GRID1: variants seen among roughly 807,000 people sequenced by gnomAD.
The protein encoded by GRID1 is glutamate receptor ionotropic, delta-1.
GRID1 carries 28 observed loss-of-function variants against 98.0 expected under a neutral mutation model. The observed-to-expected ratio is 0.29, with a 90% CI of 0.21 to 0.39. The LOEUF is 0.39. Ranked by LOEUF, GRID1 falls within the 10% of genes least tolerant of loss-of-function variation. The pLI is 1.00. For synonymous variants in GRID1, 553 were observed against 538.5 expected, an observed-to-expected ratio of 1.03 and a Z score of -0.37; for missense variants, 1,111 against 1,340.5, an observed-to-expected ratio of 0.83 and a Z score of 2.67.
At chr10:85,711,705 G>C (rs1841583546) in intron 12 of GRID1, among the ~76,000 whole-genome samples, 1 of 151,626 alleles carries the variant, frequency 6.6e-6, no homozygotes, top group Non-Finnish European at 1.5e-5. Context: ...ACCTAAAGTT[G>C]TTCTTAAAAC....
chr10:85,714,553 G>A (rs1028384665), intron 12 of GRID1, among the ~76,000 whole-genome samples: 4 of 151,848 alleles, frequency 2.6e-5, no homozygotes, highest in African/African-American at 9.7e-5. Context: ...AAATTTGCAG[G>A]ATACAAAATA....
intron 4 of GRID1, among the ~76,000 whole-genome samples, chr10:85,971,732 A>T (rs1251236962): frequency 6.6e-6 from 1 of 152,158 alleles, no homozygotes; most frequent in African/African-American, 2.4e-5. Flanking sequence ...AAACTTTCAT[A>T]CAGTTCAGGT....
chr10:85,931,407 C>T (rs1841849054), intron 4 of GRID1, among the ~76,000 whole-genome samples: 1 of 152,038 alleles, frequency 6.6e-6, no homozygotes, highest in South Asian at 2.1e-4. Context: ...TTTATTTTTT[C>T]TGTTCTTGCT....
intron 4 of GRID1, among the ~76,000 whole-genome samples, chr10:86,045,445 G>A (rs73344016): frequency 0.037 from 5,657 of 152,248 alleles, 385 homozygotes; most frequent in African/African-American, 0.13. Flanking sequence ...TTTGACAAGC[G>A]AGACTGCGAT....
chr10:85,847,248 G>A (rs1843015079), intron 8 of GRID1, among the ~76,000 whole-genome samples: 1 of 152,184 alleles, frequency 6.6e-6, no homozygotes, highest in Non-Finnish European at 1.5e-5. Context: ...AACTGCCATA[G>A]TCATTCTGAA....
chr10:85,709,737 T>G (rs1022065906), intron 12 of GRID1, among the ~76,000 whole-genome samples: 1 of 152,218 alleles, frequency 6.6e-6, no homozygotes, highest in African/African-American at 2.4e-5. Context: ...GAAAATGTAT[T>G]AAATCAATAT....
chr10:85,955,842 T>A lies in GRID1; in HGVS notation c.727-39603A>T, dbSNP rs77287558. On this transcript the variant is annotated intron_variant, in intron 4 of 15. Transcript: ENST00000327946. ...TGCCCACAGTCCTAGAGTGGGACTCTTCCCCTTCTGACCCCTGAGGCTTCT... is the reference window on the plus strand; with the variant it reads ...TGCCCACAGTCCTAGAGTGGGACTCATCCCCTTCTGACCCCTGAGGCTTCT... Among the ~76,000 whole-genome samples the A allele has an allele frequency of 2.0e-4, 31 of 152,284 alleles. No homozygotes were observed. The East Asian group carries it at 5.6e-3, about 28-fold the overall frequency.
chr10:85,636,478 G>T (rs572684081), intron 13 of GRID1, among the ~76,000 whole-genome samples: 2 of 152,138 alleles, frequency 1.3e-5, no homozygotes, highest in African/African-American at 2.4e-5. Flanking sequence ...AAACATTCAT[G>T]ATCTTATTCA....
intron 8 of GRID1, among the ~76,000 whole-genome samples, chr10:85,781,131 G>C (rs189898901): frequency 8.7e-4 from 132 of 152,276 alleles, no homozygotes; most frequent in African/African-American, 3.0e-3. Flanking sequence ...AACCAGAAGG[G>C]GAAATGAAGT....
chr10:85,655,678 C>T (rs573388302), intron 12 of GRID1, among the ~76,000 whole-genome samples: 20 of 152,306 alleles, frequency 1.3e-4, no homozygotes, highest in African/African-American at 4.6e-4. Context: ...TCTCAGATGA[C>T]TCTCAGACAA....
chr10:86,102,127 C>CCTTTGTCCACA (rs1193837310), intron 4 of GRID1, among the ~76,000 whole-genome samples: 1 of 152,206 alleles, frequency 6.6e-6, no homozygotes, highest in African/African-American at 2.4e-5. Context: ...CACAGGGACT[C>CCTTTGTCCACA]CAGCTATAAC....
rs766669790 is a variant in GRID1, at chr10:85,854,477, C to T, written c.1233+19G>A. On this transcript the variant is annotated intron_variant, in intron 8 of 15. Coordinates refer to ENST00000327946, the MANE Select transcript of GRID1 (RefSeq NM_017551.3). ...GCACCATAGCAGGAAGATTGGAAGA[C>T]AGGGAGCCTGAGGCTTACCTTGCGC... 6.2e-7 allele frequency: 1 copy of T among 1,612,738 alleles called. No homozygotes were observed. The highest frequency in any genetic ancestry group is 1.1e-5 in the South Asian group (1 of 90,956).
chr10:85,763,799 A>T (rs1330577454), intron 8 of GRID1, among the ~76,000 whole-genome samples: 3 of 152,250 alleles, frequency 2.0e-5, no homozygotes, highest in Non-Finnish European at 4.4e-5. Flanking sequence ...GTTACTACAG[A>T]CAAGTGAAGT....
At chr10:85,865,912 C>CATATATATATATATATATATAT (rs375258556) in intron 6 of GRID1, among the ~76,000 whole-genome samples, 4 of 83,104 alleles carry the variant, frequency 4.8e-5, no homozygotes, top group African/African-American at 1.7e-4. Flanking sequence ...TACATATATA[C>CATATATATATATATATATATAT]ATATATATAT....
intron 8 of GRID1, among the ~76,000 whole-genome samples, chr10:85,853,501 G>A (rs1252961657): frequency 6.6e-6 from 1 of 152,222 alleles, no homozygotes; most frequent in Non-Finnish European, 1.5e-5. Context: ...CTGAGTACAT[G>A]CCAATCAGTC....
chr10:85,725,972 T>C (rs1410452577), intron 10 of GRID1, among the ~76,000 whole-genome samples: 2 of 152,068 alleles, frequency 1.3e-5, no homozygotes, highest in South Asian at 2.1e-4. Context: ...TAAAAAGAGA[T>C]TTAATGGAGC....
intron 2 of GRID1, among the ~76,000 whole-genome samples, chr10:86,338,139 T>C (rs1377902902): frequency 6.6e-6 from 1 of 152,150 alleles, no homozygotes; most frequent in Admixed American, 6.5e-5. Flanking sequence ...GCTGTGCCCG[T>C]CAGGATACTC....
At position 86,278,139 on chromosome 10, in the gene GRID1, A is replaced by G. The variant is rs550608025; in HGVS notation, c.236-71491T>C. ...AGGGGCTGGAGTAATAAATTTTACA[A>G]AACATGATTCAAGGTAAATGACTCA... On this transcript the variant is annotated intron_variant, in intron 2 of 15. Transcript: ENST00000327946. Among the ~76,000 whole-genome samples the G allele has an allele frequency of 2.6e-5, 4 of 152,296 alleles. No individual in the cohort carries two copies. The East Asian group carries it at 7.7e-4, about 29-fold the overall frequency.
chr10:85,958,949 C>A, intron 4 of GRID1, among the ~76,000 whole-genome samples: 1 of 137,180 alleles, frequency 7.3e-6, no homozygotes, highest in African/African-American at 2.8e-5. Flanking sequence ...GAGAGTGAAA[C>A]TCCGTCTCAA....
Sources: allele counts gnomAD v4.1 joint callset (sites outside exome capture counted in the v4.1 genomes callset), GRCh38; gene constraint gnomAD v4.1.1; transcripts MANE v1.5; gene names NCBI Gene and HGNC (gene_info 2026-07-23, HGNC 2026-07-21).